The following SEPTIN9 variants were observed in gnomAD, a reference collection of about 807,000 sequenced individuals.
SEPTIN9 encodes the protein septin 9.
In SEPTIN9, 13 loss-of-function variants were observed where a neutral mutation model predicts 56.6. The ratio of observed to expected loss-of-function variants is 0.23; its 90% confidence interval spans 0.15 to 0.37. SEPTIN9 has a LOEUF of 0.37. SEPTIN9 is among the 10% of genes least tolerant of loss of function. The pLI is 1.00. For missense variants in SEPTIN9, 650 were observed against 823.1 expected (o/e 0.79, Z 2.57); for synonymous variants, 332 against 334.1 (o/e 0.99, Z 0.07).
At chr17:77,463,276 T>C (rs924040213) in intron 3 of SEPTIN9, among the ~76,000 whole-genome samples, 1 of 152,190 alleles carries the variant, frequency 6.6e-6, no homozygotes, top group Non-Finnish European at 1.5e-5. Flanking sequence ...TTCCAAGCCC[T>C]GTTGCCTTCA....
At chr17:77,346,500 A>G (rs1409752964) in intron 2 of SEPTIN9, among the ~76,000 whole-genome samples, 5 of 151,956 alleles carry the variant, frequency 3.3e-5, no homozygotes, top group East Asian at 1.9e-4. Context: ...TCCTCTGAGT[A>G]TCTTAGAGCT....
chr17:77,385,486 C>T lies in SEPTIN9; in HGVS notation c.77-16573C>T, dbSNP rs79028750. 0.012 allele frequency among the ~76,000 whole-genome samples: 1,789 copies of T among 152,186 alleles called. 97 individuals carry two copies. In the East Asian group the frequency reaches 0.16, roughly 14 times the overall value. ...CATCCATCTCGGCCTCCCAAGGTTC[C>T]AGGATTACAGGCGTGAGCCACTGCG... is the stretch of plus-strand genomic sequence containing the variant. On this transcript the variant is annotated intron_variant, in intron 2 of 11. Transcript: ENST00000427177.
chr17:77,313,478 C>T lies in SEPTIN9; in HGVS notation c.76+6281C>T, dbSNP rs1032498474. 1.3e-5 allele frequency among the ~76,000 whole-genome samples: 2 copies of T among 152,198 alleles called. No homozygotes were observed. Among genetic ancestry groups the T allele is most frequent in the Non-Finnish European group, 2.9e-5 (2 of 68,036 alleles). ...ATTTAGGAACAGCCAAAGTCTGAGG[C>T]ACAATAAAAAGTGGAGAAAGATTCC... On this transcript the variant is annotated intron_variant, in intron 2 of 11. Transcript: ENST00000427177. This position sits in a 1 kb window ranked among gnomAD's most constrained non-coding sequence, Gnocchi z 4.5.
chr17:77,415,123 T>C (rs926998939), intron 3 of SEPTIN9, among the ~76,000 whole-genome samples: 2 of 150,494 alleles, frequency 1.3e-5, no homozygotes, highest in Non-Finnish European at 3.0e-5. Context: ...AAAATGCTGG[T>C]CACCACCCAC....
chr17:77,373,726 C>G, intron 2 of SEPTIN9: 1 of 1,284,318 alleles, frequency 7.8e-7, no homozygotes, highest in South Asian at 1.8e-5. Context: ...GCCCCGTGCC[C>G]GCGCCGCCTA....
At position 77,400,018 on chromosome 17, in the gene SEPTIN9, C is replaced by T. The variant is rs1181713419; in HGVS notation, c.77-2041C>T. Among the ~76,000 whole-genome samples, 3 of 152,136 alleles carry T rather than the reference C, an allele frequency of 2.0e-5. No individual in the cohort carries two copies. Among genetic ancestry groups the T allele is most frequent in the Non-Finnish European group, 4.4e-5 (3 of 68,026 alleles). On this transcript the variant is annotated intron_variant, in intron 2 of 11. Transcript: ENST00000427177. The surrounding 1 kb of genome is among the most constrained non-coding windows in gnomAD (Gnocchi z 4.1). ...TTGTGGAGACAGAGTCTCGCTCTGT[C>T]AGTCAGGCTGAGTGCAGTGACACGA...
At chr17:77,291,976 T>C (rs563852504) in intron 1 of SEPTIN9, among the ~76,000 whole-genome samples, 1 of 152,334 alleles carries the variant, frequency 6.6e-6, no homozygotes, top group East Asian at 1.9e-4. Flanking sequence ...CTGGTCCCCC[T>C]GCGAAGGCCC....
intron 2 of SEPTIN9, chr17:77,376,006 G>C: frequency 1.4e-6 from 1 of 703,208 alleles, no homozygotes; most frequent in Non-Finnish European, 1.7e-6. Flanking sequence ...GTGTGATTCA[G>C]CCCAGCCAGG....
At chr17:77,286,896 T>C (rs1019153414) in intron 1 of SEPTIN9, among the ~76,000 whole-genome samples, 3 of 152,106 alleles carry the variant, frequency 2.0e-5, no homozygotes, top group Non-Finnish European at 4.4e-5. Context: ...ACCTTTGGGG[T>C]GAGGCGGGAA....
chr17:77,482,244 G>A lies in SEPTIN9; in HGVS notation c.822G>A (p.Val274=), dbSNP rs1407090804. 30 of 1,612,976 alleles carry A rather than the reference G, an allele frequency of 1.9e-5. No homozygotes were observed. The highest frequency in any genetic ancestry group is 2.5e-5 in the Non-Finnish European group (30 of 1,179,872). ...CATCACGGAACGAGAAGGCCCCGGT[G>A]GACTTCGGCTACGTGGGGATTGACT... ...APASRNEKAP[V]DFGYVGIDSI... is the part of the protein sequence containing the mutation. The change falls in exon 4 of 12, where the codon GTG becomes GTA. Residue 274 remains valine, a synonymous_variant. Coordinates refer to ENST00000427177, the MANE Select transcript of SEPTIN9 (RefSeq NM_001113491.2).
Position 77,492,691 on chromosome 17 carries a change from A to G in SEPTIN9, c.1451A>G (p.Asp484Gly). The G allele has an allele frequency of 2.5e-6, 4 of 1,614,076 alleles. No homozygotes were observed. ...AAGGAATTTGATGAGGACTCGGAGG[A>G]CCGGCTGGTGAACGAGAAGTTCCGG... ...PQKEFDEDSE[D>G]RLVNEKFREM... is the part of the protein sequence containing the mutation. Residue 484 changes from aspartate (D) to glycine (G), a missense_variant, in exon 9 of 12, where the codon GAC (aspartate) becomes GGC (glycine). Physicochemically the swap from Asp to Gly is moderately conservative, Grantham distance 94. This residue lies in a region of SEPTIN9 where 333 missense variants were observed against 494.0 expected (regional missense o/e 0.67). Transcript: ENST00000427177. This position sits in a 1 kb window ranked among gnomAD's most constrained non-coding sequence, Gnocchi z 5.4.
intron 10 of SEPTIN9, among the ~76,000 whole-genome samples, chr17:77,495,789 C>T (rs952278462): frequency 1.3e-5 from 2 of 152,200 alleles, no homozygotes; most frequent in African/African-American, 4.8e-5. Flanking sequence ...AGGCAACCGG[C>T]ATAGCACTGA....
intron 2 of SEPTIN9, among the ~76,000 whole-genome samples, chr17:77,361,826 G>T (rs2034428050): frequency 6.6e-6 from 1 of 151,990 alleles, no homozygotes; most frequent in South Asian, 2.1e-4. Context: ...TAGAGACAGG[G>T]TTTCACCGTG....
chr17:77,380,719 G>A (rs1435314043), intron 2 of SEPTIN9, among the ~76,000 whole-genome samples: 1 of 152,152 alleles, frequency 6.6e-6, no homozygotes, highest in Non-Finnish European at 1.5e-5. Context: ...GCCTCGGAGG[G>A]GTCATCTGAG....
chr17:77,432,473 T>C (rs1568064986), intron 3 of SEPTIN9, among the ~76,000 whole-genome samples: 1 of 152,160 alleles, frequency 6.6e-6, no homozygotes, highest in South Asian at 2.1e-4. Context: ...AGAACGGGGG[T>C]AGAGAGATGG....
In SEPTIN9 at chr17:77,496,606, C is replaced by T. The variant is rs559107518; in HGVS notation, c.1574-709C>T. On this transcript the variant is annotated intron_variant, in intron 10 of 11. Transcript: ENST00000427177. Reference sequence around the variant, plus strand: ...TCTGAGATGGCCACCAGCTCGAGCCCGAGGGCACTTGTGGGTGCCCGTGGT... The same window carrying T: ...TCTGAGATGGCCACCAGCTCGAGCCTGAGGGCACTTGTGGGTGCCCGTGGT... Among the ~76,000 whole-genome samples, 8 of 152,348 alleles carry T rather than the reference C, an allele frequency of 5.3e-5. No homozygotes were observed. In the East Asian group the frequency reaches 1.5e-3, roughly 29 times the overall value.
intron 3 of SEPTIN9, among the ~76,000 whole-genome samples, chr17:77,468,355 C>A (rs572232263): frequency 6.6e-6 from 1 of 152,270 alleles, no homozygotes; most frequent in East Asian, 1.9e-4. Flanking sequence ...GTTCTAGGAA[C>A]AGCATGGGGA....
At chr17:77,294,311 T>C (rs1033050755) in intron 1 of SEPTIN9, among the ~76,000 whole-genome samples, 4 of 151,950 alleles carry the variant, frequency 2.6e-5, no homozygotes, top group Admixed American at 2.6e-4. Flanking sequence ...TCCCAGCTAC[T>C]TGGGAGGCTG....
chr17:77,312,709 T>C (rs1031836985), intron 2 of SEPTIN9, among the ~76,000 whole-genome samples: 2 of 152,178 alleles, frequency 1.3e-5, no homozygotes, highest in Non-Finnish European at 2.9e-5. Context: ...ATTGGCCTTC[T>C]TTTGCGTTGG....
Sources: gnomAD v4.1 joint callset for allele counts (sites outside exome capture counted in the v4.1 genomes callset) on GRCh38, gnomAD v4.1.1 for gene constraint, gnomAD v4.1.1 regional missense constraint, Gnocchi (gnomAD v3.1) non-coding constraint, MANE v1.5 for transcripts, NCBI Gene and HGNC (gene_info 2026-07-23, HGNC 2026-07-21) for gene names.